LRP1B: variants seen among roughly 807,000 people sequenced by gnomAD.
LRP1B encodes low-density lipoprotein receptor-related protein 1B.
A neutral mutation model predicts 556.6 loss-of-function variants in LRP1B; 217 were observed. The ratio of observed to expected loss-of-function variants is 0.39; its 90% confidence interval spans 0.35 to 0.44. LRP1B has a LOEUF of 0.44. LRP1B is among the 20% of genes least tolerant of loss of function. LRP1B has a pLI of 1.00. For synonymous variants in LRP1B, 2,047 were observed against 1,865.8 expected, an observed-to-expected ratio of 1.10 and a Z score of -2.50; for missense variants, 5,053 against 5,620.8, an observed-to-expected ratio of 0.90 and a Z score of 3.23.
intron 6 of LRP1B, among the ~76,000 whole-genome samples, chr2:141,196,406 T>C (rs1681753429): frequency 6.6e-6 from 1 of 152,100 alleles, no homozygotes; most frequent in Non-Finnish European, 1.5e-5. Flanking sequence ...CACCCCTCCA[T>C]ACTCATGGAC....
In LRP1B at chr2:141,934,207, C is replaced by A. The variant is rs549111792; in HGVS notation, c.83-123806G>T. 5.9e-5 allele frequency among the ~76,000 whole-genome samples: 9 copies of A among 151,664 alleles called. No individual in the cohort carries two copies. In the South Asian group the frequency reaches 1.9e-3, roughly 32 times the overall value. On this transcript the variant is annotated intron_variant, in intron 1 of 90. Transcript: ENST00000389484. Reference sequence around the variant, plus strand: ...AGAATCAGTGAACTGGAAAATAAATCAATAGGAATCATAGAGTCTAGTAAA... The same window carrying A: ...AGAATCAGTGAACTGGAAAATAAATAAATAGGAATCATAGAGTCTAGTAAA...
intron 45 of LRP1B, 66 bp from the exon 46 acceptor site, chr2:140,536,775 A>G: frequency 8.3e-7 from 1 of 1,208,400 alleles, no homozygotes; most frequent in Non-Finnish European, 1.2e-6. Flanking sequence ...CACCACTACA[A>G]TTATTTTTCT....
At chr2:141,937,494 C>CTA (rs1700670728) in intron 1 of LRP1B, among the ~76,000 whole-genome samples, 1 of 151,428 alleles carries the variant, frequency 6.6e-6, no homozygotes, top group Non-Finnish European at 1.5e-5. Context: ...TGGATTGAGA[C>CTA]TATATATATA....
intron 25 of LRP1B, among the ~76,000 whole-genome samples, chr2:140,882,077 G>A (rs1330664801): frequency 6.6e-6 from 1 of 152,106 alleles, no homozygotes; most frequent in African/African-American, 2.4e-5. Flanking sequence ...AATTATTCAT[G>A]TTTTTCTTCT....
rs573422311 is a variant in LRP1B at position 141,308,399 on chromosome 2, C to T, written c.344-53758G>A. ...CTCATAACAGTTTGAATTGTGTTTT[C>T]TTACAAACAAGTCATTTCTAGCTGA... is the stretch of plus-strand genomic sequence containing the variant. On this transcript the variant is annotated intron_variant, in intron 3 of 90. Transcript: ENST00000389484. Among the ~76,000 whole-genome samples, 3 of 152,190 alleles carry T rather than the reference C, an allele frequency of 2.0e-5. No homozygotes were observed. The South Asian group carries it at 6.2e-4, about 32-fold the overall frequency.
chr2:141,168,795 C>T (rs527678572), intron 7 of LRP1B, among the ~76,000 whole-genome samples: 2 of 152,196 alleles, frequency 1.3e-5, no homozygotes, highest in South Asian at 4.1e-4. Flanking sequence ...TTCCCCACTT[C>T]AGTCTCCTGT....
chr2:141,213,043 T>A (rs992372319), intron 6 of LRP1B, among the ~76,000 whole-genome samples: 7 of 152,142 alleles, frequency 4.6e-5, no homozygotes, highest in African/African-American at 1.4e-4. Context: ...CATGGCTCAC[T>A]GCAGCCTCAA....
At chr2:140,650,323 T>G (rs766406105) in intron 41 of LRP1B, among the ~76,000 whole-genome samples, 8,708 of 122,322 alleles carry the variant, frequency 0.071, 317 homozygotes, top group Admixed American at 0.1. Flanking sequence ...ATTTATTTAT[T>G]TATTTATTTA....
intron 37 of LRP1B, among the ~76,000 whole-genome samples, chr2:140,704,894 G>A (rs1574261771): frequency 6.6e-6 from 1 of 152,102 alleles, no homozygotes; most frequent in Non-Finnish European, 1.5e-5. Context: ...GATCAAATAA[G>A]CTATTTATAG....
At chr2:140,965,424 C>A (rs1696176416) in intron 18 of LRP1B, among the ~76,000 whole-genome samples, 2 of 151,446 alleles carry the variant, frequency 1.3e-5, no homozygotes, top group Admixed American at 6.6e-5. Flanking sequence ...TACAGAAAAT[C>A]TAAAAGAAGA....
intron 3 of LRP1B, among the ~76,000 whole-genome samples, chr2:141,312,926 C>G (rs564868856): frequency 3.7e-4 from 56 of 152,128 alleles, no homozygotes; most frequent in Non-Finnish European, 6.3e-4. Context: ...GTTGATCCAC[C>G]CACCTCGACC....
chr2:142,030,450 T>C (rs1703652341), intron 1 of LRP1B, among the ~76,000 whole-genome samples: 1 of 151,956 alleles, frequency 6.6e-6, no homozygotes, highest in Non-Finnish European at 1.5e-5. Flanking sequence ...AAACTTTAAA[T>C]GATAAATGGC....
intron 68 of LRP1B, among the ~76,000 whole-genome samples, chr2:140,376,739 G>C (rs1474628780): frequency 2.0e-5 from 3 of 152,198 alleles, no homozygotes; most frequent in Non-Finnish European, 4.4e-5. Context: ...CCAGGCTGTT[G>C]AATGTGGTTA....
At chr2:141,814,551 G>A (rs1269245943) in intron 1 of LRP1B, among the ~76,000 whole-genome samples, 1 of 152,138 alleles carries the variant, frequency 6.6e-6, no homozygotes, top group South Asian at 2.1e-4. Context: ...TGGTTGAATG[G>A]AATTTCAAGA....
chr2:140,620,942 A>G (rs893986774), intron 41 of LRP1B, among the ~76,000 whole-genome samples: 1 of 152,098 alleles, frequency 6.6e-6, no homozygotes, highest in African/African-American at 2.4e-5. Context: ...TAGCATATAT[A>G]TTAAACAGTT....
intron 1 of LRP1B, among the ~76,000 whole-genome samples, chr2:142,066,560 C>T (rs1238262512): frequency 3.3e-5 from 5 of 151,450 alleles, no homozygotes; most frequent in African/African-American, 4.8e-5. Context: ...GTGTGCATTT[C>T]TTCTAACAGT....
At chr2:140,415,805 C>T (rs2105256442) in intron 66 of LRP1B, among the ~76,000 whole-genome samples, 1 of 152,326 alleles carries the variant, frequency 6.6e-6, no homozygotes, top group South Asian at 2.1e-4. Context: ...CCACACTCCC[C>T]TCTAGTCTTG....
chr2:141,862,159 A>G (rs1447843182), intron 1 of LRP1B, among the ~76,000 whole-genome samples: 4 of 152,184 alleles, frequency 2.6e-5, no homozygotes, highest in Non-Finnish European at 4.4e-5. Context: ...CTGAAACTAA[A>G]CCTTACCTTA....
intron 43 of LRP1B, among the ~76,000 whole-genome samples, chr2:140,572,083 G>A (rs923589198): frequency 1.3e-5 from 2 of 151,560 alleles, no homozygotes; most frequent in Non-Finnish European, 3.0e-5. Flanking sequence ...TATAGGTCTT[G>A]AAAAATATTT....
Sources: allele counts gnomAD v4.1 joint callset (sites outside exome capture counted in the v4.1 genomes callset), GRCh38; gene constraint gnomAD v4.1.1; transcripts MANE v1.5; gene names NCBI Gene and HGNC (gene_info 2026-07-23, HGNC 2026-07-21).